The following PPP6R3 variants were observed in gnomAD, a reference collection of about 807,000 sequenced individuals.
PPP6R3 encodes the protein protein phosphatase 6 regulatory subunit 3, also known as serine/threonine-protein phosphatase 6 regulatory subunit 3.
A neutral mutation model predicts 110.7 loss-of-function variants in PPP6R3; 38 were observed. That is an observed-to-expected ratio of 0.34 (90% CI 0.26 to 0.45). The LOEUF (loss-of-function observed/expected upper bound fraction) is 0.45. Among genes scored for constraint, PPP6R3 ranks in the 20% least tolerant of loss-of-function variants. The probability of loss-of-function intolerance (pLI) is 1.00; values close to 1 mark genes in which losing one functional copy is unlikely to be tolerated. For missense variants in PPP6R3, 870 were observed against 1,062.4 expected, an observed-to-expected ratio of 0.82 and a Z score of 2.52; for synonymous variants, 369 against 373.5, an observed-to-expected ratio of 0.99 and a Z score of 0.14.
At chr11:68,497,227 T>TTGTA (rs1555057060) in intron 1 of PPP6R3, among the ~76,000 whole-genome samples, 1 of 149,982 alleles carries the variant, frequency 6.7e-6, no homozygotes, top group Non-Finnish European at 1.5e-5. Context: ...TTTTTTTTTT[T>TTGTA]GTATTTTTAG....
At chr11:68,563,199 A>G (rs1196666682) in intron 8 of PPP6R3, among the ~76,000 whole-genome samples, 1 of 152,088 alleles carries the variant, frequency 6.6e-6, no homozygotes, top group Non-Finnish European at 1.5e-5. Context: ...CCAGGAAACA[A>G]CAAAAACAAA....
At chr11:68,471,297 A>G (rs1353027190) in intron 1 of PPP6R3, among the ~76,000 whole-genome samples, 6 of 151,700 alleles carry the variant, frequency 4.0e-5, no homozygotes, top group Admixed American at 2.0e-4. Flanking sequence ...AAAAAAAAAA[A>G]AAAGAAAAAG....
At chr11:68,544,602 T>G (rs1303776328) in intron 3 of PPP6R3, among the ~76,000 whole-genome samples, 2 of 152,266 alleles carry the variant, frequency 1.3e-5, no homozygotes, top group Non-Finnish European at 2.9e-5. Context: ...CGCTCTAGTT[T>G]CTTCAGGGAA....
intron 2 of PPP6R3, among the ~76,000 whole-genome samples, chr11:68,523,078 T>TA (rs2099171858): frequency 6.6e-6 from 1 of 152,248 alleles, no homozygotes. Context: ...TTTTAGTTCT[T>TA]ACATGGATAG....
intron 7 of PPP6R3, among the ~76,000 whole-genome samples, chr11:68,554,516 T>C (rs2099392196): frequency 6.6e-6 from 1 of 152,224 alleles, no homozygotes; most frequent in African/African-American, 2.4e-5. Context: ...CATCCTAAGA[T>C]GTGGTAGTCA....
chr11:68,482,480 G>T (rs1163214567), intron 1 of PPP6R3, among the ~76,000 whole-genome samples: 3 of 151,674 alleles, frequency 2.0e-5, no homozygotes, highest in African/African-American at 7.3e-5. Flanking sequence ...ATTGTGGAGT[G>T]TTTTGTTTTT....
intron 13 of PPP6R3, among the ~76,000 whole-genome samples, chr11:68,575,214 T>C (rs891767304): frequency 1.3e-5 from 2 of 152,200 alleles, no homozygotes; most frequent in African/African-American, 4.8e-5. Context: ...TGCCAGGTGG[T>C]ACATGTGTAC....
In PPP6R3 at chr11:68,474,418, C is replaced by G. The variant is rs73516855; in HGVS notation, c.-158+13591C>G. On this transcript the variant is annotated intron_variant, in intron 1 of 23. Coordinates refer to ENST00000393800, the MANE Select transcript of PPP6R3 (RefSeq NM_001164161.2). ...AGGAAAGCTCACTTAAATCTTTTGT[C>G]CTTGCTTTTTTTTCAAAAAAGAAAT... is the stretch of plus-strand genomic sequence containing the variant. Among the ~76,000 whole-genome samples, 1,365 of 152,114 alleles carry G rather than the reference C, an allele frequency of 9.0e-3. 18 individuals are homozygous for G. The highest frequency in any genetic ancestry group is 0.032 in the African/African-American group (1,308 of 41,512).
rs1944602066 is a variant in PPP6R3 at position 68,613,831 on chromosome 11, C to T, written c.*714C>T. ...ATATGTTCTGTTCAAGTCTTGTTTG[C>T]TTGAAATGATTATTCCTACAAGTGA... On this transcript the variant is annotated 3_prime_UTR_variant, in exon 24 of 24. Transcript: ENST00000393800. The T allele has an allele frequency of 2.0e-6, 2 of 983,722 alleles. No individual in the cohort carries two copies. The highest frequency in any genetic ancestry group is 2.4e-6 in the Non-Finnish European group (2 of 829,674). 60.9% of individuals were successfully genotyped at this position (983,722 alleles called of 1,614,324 possible).
chr11:68,477,113 T>G (rs2098838061), intron 1 of PPP6R3, among the ~76,000 whole-genome samples: 1 of 152,220 alleles, frequency 6.6e-6, no homozygotes, highest in Admixed American at 6.5e-5. Flanking sequence ...TTTTAGTTTG[T>G]GCAGATTTTC....
intron 13 of PPP6R3, 104 bp downstream of exon 13, chr11:68,574,328 C>A: frequency 2.3e-6 from 2 of 853,848 alleles, no homozygotes; most frequent in South Asian, 1.6e-5. Flanking sequence ...ATTTGTGGGA[C>A]TTCTTTATAT....
At chr11:68,537,588 T>C in intron 2 of PPP6R3, 71 bp from the exon 3 acceptor site, 1 of 1,066,488 alleles carries the variant, frequency 9.4e-7, no homozygotes, top group South Asian at 1.7e-5. Context: ...AAAACTGAAC[T>C]GAAATATGAA....
At chr11:68,526,266 T>A (rs557818559) in intron 2 of PPP6R3, among the ~76,000 whole-genome samples, 18 of 152,074 alleles carry the variant, frequency 1.2e-4, no homozygotes, top group East Asian at 5.8e-4. Context: ...TTTTTTTTTT[T>A]AAATTTTGAG....
chr11:68,513,230 C>A (rs543892316), intron 1 of PPP6R3, among the ~76,000 whole-genome samples: 1 of 152,058 alleles, frequency 6.6e-6, no homozygotes. Context: ...GCTCATTCCC[C>A]GCATAAATCC....
At chr11:68,531,812 G>GA (rs2153623386) in intron 2 of PPP6R3, among the ~76,000 whole-genome samples, 1 of 152,310 alleles carries the variant, frequency 6.6e-6, no homozygotes, top group African/African-American at 2.4e-5. Context: ...CTGAGGCTTA[G>GA]AGATGAAGTA....
At chr11:68,566,219 T>C (rs1458096666) in intron 9 of PPP6R3, among the ~76,000 whole-genome samples, 8 of 150,286 alleles carry the variant, frequency 5.3e-5, no homozygotes, top group Admixed American at 2.7e-4. Context: ...TAGCAACTAC[T>C]ACCACCACCA....
In PPP6R3 at chr11:68,551,153, T is replaced by C; in HGVS notation, c.585T>C (p.Leu195=). The C allele has an allele frequency of 6.2e-7, 1 of 1,611,698 alleles. No homozygotes were observed. Among genetic ancestry groups the C allele is most frequent in the Non-Finnish European group, 8.5e-7 (1 of 1,178,318 alleles). ...WLNEEKIIQR[L]VEIVHPSQEE... ...ATGAGGAGAAAATTATCCAGAGGCT[T>C]GTGGAAATAGTTCATCCATCGCAAG... is the stretch of plus-strand genomic sequence containing the variant. The change falls in exon 6 of 24, where the codon CTT becomes CTC. Residue 195 remains leucine, a synonymous_variant. Transcript: ENST00000393800.
intron 1 of PPP6R3, among the ~76,000 whole-genome samples, chr11:68,476,635 A>G (rs1260912520): frequency 6.6e-6 from 1 of 152,196 alleles, no homozygotes; most frequent in African/African-American, 2.4e-5. Flanking sequence ...TATAATTTTT[A>G]TCTTTAATTC....
chr11:68,594,618 A>T (rs901880412), intron 18 of PPP6R3, among the ~76,000 whole-genome samples: 3 of 152,238 alleles, frequency 2.0e-5, no homozygotes, highest in African/African-American at 4.8e-5. Context: ...GTTTATAAGT[A>T]GGAAGACTCA....
Sources: allele counts gnomAD v4.1 joint callset (sites outside exome capture counted in the v4.1 genomes callset), GRCh38; gene constraint gnomAD v4.1.1; transcripts MANE v1.5; gene names NCBI Gene and HGNC (gene_info 2026-07-23, HGNC 2026-07-21).